LDLRAD2: variants seen among roughly 807,000 people sequenced by gnomAD.
The protein encoded by LDLRAD2 is low-density lipoprotein receptor class A domain-containing protein 2.
A neutral mutation model predicts 24.9 loss-of-function variants in LDLRAD2; 25 were observed. That is an observed-to-expected ratio of 1.00 (90% confidence interval 0.73 to 1.40). LDLRAD2 has a LOEUF of 1.40. Among genes scored for constraint, LDLRAD2 ranks in the 40% most tolerant of loss-of-function variants. The pLI is 0.00. For synonymous variants in LDLRAD2, 182 were observed against 166.7 expected (o/e 1.09, Z -0.71); for missense variants, 391 against 366.2 (o/e 1.07, Z -0.55).
intron 3 of LDLRAD2, among the ~76,000 whole-genome samples, chr1:21,816,624 C>G (rs2097944277): frequency 6.6e-6 from 1 of 152,056 alleles, no homozygotes; most frequent in Admixed American, 6.5e-5. Flanking sequence ...CCAGGAATAA[C>G]CTTCCTGGGG....
In LDLRAD2 at chr1:21,814,428, G is replaced by A. The variant is rs779862290; in HGVS notation, c.116G>A (p.Trp39Ter). The A allele has an allele frequency of 3.1e-6, 5 of 1,608,572 alleles. No individual in the cohort carries two copies. The highest frequency in any genetic ancestry group is 2.2e-5 in the East Asian group (1 of 44,666). ...CTGGCGGAACTGTGCGGGCAGACGT[G>A]GCAGGGGGACGGGCTGCTGCTGCGC... ...ADLAELCGQTWQGDGLLLRSH... is the reference protein window; with the variant it reads ...ADLAELCGQT Residue 39 changes from tryptophan (W) to a stop codon, truncating the protein, a stop_gained, in exon 2 of 5, where the codon TGG (tryptophan) becomes TAG (stop). Transcript: ENST00000344642. LOFTEE classifies it high-confidence loss of function.
At position 21,812,506 on chromosome 1, in the gene LDLRAD2, GC is replaced by G; in HGVS notation, c.57del (p.Ala20ProfsTer2). 1 of 1,614,158 alleles carries G rather than the reference GC, an allele frequency of 6.2e-7. No individual in the cohort carries two copies. The highest frequency in any genetic ancestry group is 8.5e-7 in the Non-Finnish European group (1 of 1,179,996). On this transcript the variant is annotated frameshift_variant, in exon 1 of 5. Transcript: ENST00000344642. LOFTEE classifies it high-confidence loss of function. ...CCAAAGGTTGCTCTTGCTGGGGGCAGCCGCCCTGACTGCAACTGCTTTGGAG... is the reference window on the plus strand; with the variant it reads ...CCAAAGGTTGCTCTTGCTGGGGGCAGCGCCCTGACTGCAACTGCTTTGGAG... ...LPQRLLLLGA[A>X]ALTATALETA...
At chr1:21,822,046 G>A in intron 4 of LDLRAD2, 156 bp from the exon 5 acceptor site, 2 of 1,476,706 alleles carry the variant, frequency 1.4e-6, no homozygotes, top group Non-Finnish European at 1.8e-6. Context: ...TCTGTCTGAT[G>A]TTGGACAGGC....
rs1557664217 is a variant in LDLRAD2, at chr1:21,824,402, GGGT to G, written c.*2188_*2190del. On this transcript the variant is annotated 3_prime_UTR_variant, in exon 5 of 5. Transcript: ENST00000344642. The surrounding 1 kb of genome is among the most constrained non-coding windows in gnomAD (Gnocchi z 5.9). ...CTGCCAGGGAAGCACAGGGTCTCTGGGGTCCCCAGCCTGGAGAGCAGAGGCTGC... is the reference window on the plus strand; with the variant it reads ...CTGCCAGGGAAGCACAGGGTCTCTGGCCCCAGCCTGGAGAGCAGAGGCTGC... The G allele has an allele frequency of 6.2e-7, 1 of 1,613,034 alleles. No homozygotes were observed. The highest frequency in any genetic ancestry group is 8.5e-7 in the Non-Finnish European group (1 of 1,179,468).
rs949471932 is a variant in LDLRAD2 at position 21,822,569 on chromosome 1, G to T, written c.*354G>T. 7 of 313,632 alleles carry T rather than the reference G, an allele frequency of 2.2e-5. No homozygotes were observed. Among genetic ancestry groups the T allele is most frequent in the African/African-American group, 1.1e-4 (5 of 46,368 alleles). The allele number at this position is 313,632 out of a possible 1,614,324, so 19.4% of individuals were successfully genotyped here. A position where few individuals can be genotyped will look rare whatever the true frequency, so the allele number is the denominator to read the frequency against. On this transcript the variant is annotated 3_prime_UTR_variant, in exon 5 of 5. Coordinates refer to ENST00000344642, the MANE Select transcript of LDLRAD2 (RefSeq NM_001013693.3). ...GGGGATGTGGCCTGGGGTGGGCGGG[G>T]CCCGGTGGGCGGGGCCCTATCAGTG...
rs1572122762 is a variant in LDLRAD2 at position 21,823,407 on chromosome 1, T to G, written c.*1192T>G. On this transcript the variant is annotated 3_prime_UTR_variant, in exon 5 of 5. Coordinates refer to ENST00000344642, the MANE Select transcript of LDLRAD2 (RefSeq NM_001013693.3). Reference sequence around the variant, plus strand: ...GGGCGGGGCGCCGGGTCGGGCCGAGTGCAGCACCAGGTTCTTGACACAGCC... The same window carrying G: ...GGGCGGGGCGCCGGGTCGGGCCGAGGGCAGCACCAGGTTCTTGACACAGCC... 6.3e-7 allele frequency: 1 copy of G among 1,577,256 alleles called. No homozygotes were observed. The highest frequency in any genetic ancestry group is 8.6e-7 in the Non-Finnish European group (1 of 1,166,528).
Position 21,824,064 on chromosome 1 carries a change from T to C in LDLRAD2, c.*1849T>C, listed in dbSNP as rs1205697044. 6.8e-7 allele frequency: 1 copy of C among 1,477,366 alleles called. No individual in the cohort carries two copies. Among genetic ancestry groups the C allele is most frequent in the African/African-American group, 1.4e-5 (1 of 72,526 alleles). The allele number at this position is 1,477,366 out of a possible 1,614,324, so 91.5% of individuals were successfully genotyped here. A position where few individuals can be genotyped will look rare whatever the true frequency, so the allele number is the denominator to read the frequency against. ...GCCTCTCTGCCCATGGTAGGGGGCGTCCTGCCCCACTCCAGAACGCTGGGC... is the reference window on the plus strand; with the variant it reads ...GCCTCTCTGCCCATGGTAGGGGGCGCCCTGCCCCACTCCAGAACGCTGGGC... On this transcript the variant is annotated 3_prime_UTR_variant, in exon 5 of 5. Coordinates refer to ENST00000344642, the MANE Select transcript of LDLRAD2 (RefSeq NM_001013693.3). The surrounding 1 kb of genome is among the most constrained non-coding windows in gnomAD (Gnocchi z 5.9).
In LDLRAD2 at chr1:21,824,219, G is replaced by A. The variant is rs1220119984; in HGVS notation, c.*2004G>A. ...CCAGCTGGTACCTGCAGTCATCCAG[G>A]CCCAAGAAGTATGAGCTGGGGCAGG... On this transcript the variant is annotated 3_prime_UTR_variant, in exon 5 of 5. Coordinates refer to ENST00000344642, the MANE Select transcript of LDLRAD2 (RefSeq NM_001013693.3). The surrounding 1 kb of genome is among the most constrained non-coding windows in gnomAD (Gnocchi z 5.9). 1.9e-6 allele frequency: 3 copies of A among 1,613,602 alleles called. No individual in the cohort carries two copies. The highest frequency in any genetic ancestry group is 2.5e-6 in the Non-Finnish European group (3 of 1,179,924).
chr1:21,819,371 C>CA (rs34271772), intron 3 of LDLRAD2, among the ~76,000 whole-genome samples: 89 of 149,734 alleles, frequency 5.9e-4, no homozygotes, highest in Admixed American at 2.0e-4. Context: ...GAAACTGTCT[C>CA]AAAAAAAAAG....
At chr1:21,813,880 T>C (rs1557653633) in intron 1 of LDLRAD2, among the ~76,000 whole-genome samples, 1 of 151,648 alleles carries the variant, frequency 6.6e-6, no homozygotes, top group African/African-American at 2.4e-5. Context: ...CCTCCCCTTT[T>C]TTTTTTTTGG....
chr1:21,824,585 C>CA lies in LDLRAD2; in HGVS notation c.*2371dup, dbSNP rs1283383321. ...CACTGGCTGTGCTGGTCCGAACCTC[C>CA]AGCTCGATGGTCTCGGGCACCTCGG... On this transcript the variant is annotated 3_prime_UTR_variant, in exon 5 of 5. Coordinates refer to ENST00000344642, the MANE Select transcript of LDLRAD2 (RefSeq NM_001013693.3). This position sits in a 1 kb window ranked among gnomAD's most constrained non-coding sequence, Gnocchi z 5.9. 6.2e-7 allele frequency: 1 copy of CA among 1,614,050 alleles called. No individual in the cohort carries two copies. The highest frequency in any genetic ancestry group is 8.5e-7 in the Non-Finnish European group (1 of 1,180,044).
chr1:21,824,843 C>G lies in LDLRAD2; in HGVS notation c.*2628C>G. 7.0e-7 allele frequency: 1 copy of G among 1,424,910 alleles called. No homozygotes were observed. The highest frequency in any genetic ancestry group is 9.7e-7 in the Non-Finnish European group (1 of 1,028,900). The allele number at this position is 1,424,910 out of a possible 1,614,324, so 88.3% of individuals were successfully genotyped here. On this transcript the variant is annotated 3_prime_UTR_variant, in exon 5 of 5. Transcript: ENST00000344642. The surrounding 1 kb of genome is among the most constrained non-coding windows in gnomAD (Gnocchi z 5.9). The stretch of plus-strand genomic sequence containing the variant: ...CAGGCATCAAAATCCCCCGTCAGTT[C>G]CCCTGACCCCCACCTCCACGCCAAC...
intron 3 of LDLRAD2, among the ~76,000 whole-genome samples, chr1:21,818,325 A>G (rs2152678440): frequency 6.6e-6 from 1 of 152,298 alleles, no homozygotes; most frequent in South Asian, 2.1e-4. Flanking sequence ...TGTTACATTC[A>G]TTAATAGTCA....
chr1:21,821,759 A>C, intron 4 of LDLRAD2, 148 bp downstream of exon 4: 1 of 1,470,052 alleles, frequency 6.8e-7, no homozygotes, highest in Non-Finnish European at 9.0e-7. Flanking sequence ...GGCCTCCTCG[A>C]TGCTCCTGGC....
intron 2 of LDLRAD2, among the ~76,000 whole-genome samples, chr1:21,815,589 G>GTGAC (rs768409997): frequency 7.2e-5 from 11 of 152,158 alleles, no homozygotes; most frequent in Non-Finnish European, 1.5e-4. Context: ...ACCAGCCTGG[G>GTGAC]TGACAGAGAG....
At chr1:21,819,616 G>A (rs1046496389) in intron 3 of LDLRAD2, among the ~76,000 whole-genome samples, 11 of 145,482 alleles carry the variant, frequency 7.6e-5, no homozygotes, top group Non-Finnish European at 1.4e-4. Context: ...GTAGAGCCAT[G>A]GTCACTAGGG....
At position 21,823,530 on chromosome 1, in the gene LDLRAD2, C is replaced by T. The variant is rs2097957890; in HGVS notation, c.*1315C>T. 1 of 1,609,434 alleles carries T rather than the reference C, an allele frequency of 6.2e-7. No homozygotes were observed. Among genetic ancestry groups the T allele is most frequent in the Non-Finnish European group, 8.5e-7 (1 of 1,179,292 alleles). Reference sequence around the variant, plus strand: ...GGACAGGGCCTGTGGGCTCCAGCAGCCCAGGAGGCGAGGAAGGCTGGGCGA... The same window carrying T: ...GGACAGGGCCTGTGGGCTCCAGCAGTCCAGGAGGCGAGGAAGGCTGGGCGA... On this transcript the variant is annotated 3_prime_UTR_variant, in exon 5 of 5. Coordinates refer to ENST00000344642, the MANE Select transcript of LDLRAD2 (RefSeq NM_001013693.3).
At chr1:21,817,928 C>T (rs2152678236) in intron 3 of LDLRAD2, among the ~76,000 whole-genome samples, 1 of 151,860 alleles carries the variant, frequency 6.6e-6, no homozygotes, top group Middle Eastern at 3.4e-3. Flanking sequence ...GCTAGACAGA[C>T]TGCAGTGGCG....
At chr1:21,818,247 A>G (rs1014625689) in intron 3 of LDLRAD2, among the ~76,000 whole-genome samples, 7 of 149,378 alleles carry the variant, frequency 4.7e-5, no homozygotes, top group South Asian at 2.2e-4. Flanking sequence ...CCTGACCTCA[A>G]GTGATCCACC....
Sources: gnomAD v4.1 joint callset for allele counts (sites outside exome capture counted in the v4.1 genomes callset) on GRCh38, gnomAD v4.1.1 for gene constraint, Gnocchi (gnomAD v3.1) non-coding constraint, MANE v1.5 for transcripts, NCBI Gene and HGNC (gene_info 2026-07-23, HGNC 2026-07-21) for gene names.